Variants in SORCS3 observed in about 807,000 individuals in gnomAD.
The protein encoded by SORCS3 is sortilin related VPS10 domain containing receptor 3.
In SORCS3, 57 loss-of-function variants were observed where a neutral mutation model predicts 146.3. That is an observed-to-expected ratio of 0.39 (90% CI 0.31 to 0.49). SORCS3 has a LOEUF of 0.49. SORCS3 is among the 20% of genes least tolerant of loss of function. SORCS3 has a pLI of 0.92. For missense variants in SORCS3, 1,341 were observed against 1,575.5 expected, an observed-to-expected ratio of 0.85 and a Z score of 2.52; for synonymous variants, 653 against 618.5, an observed-to-expected ratio of 1.06 and a Z score of -0.83.
chr10:105,030,260 C>T (rs751004177), intron 4 of SORCS3, among the ~76,000 whole-genome samples: 1 of 152,164 alleles, frequency 6.6e-6, no homozygotes, highest in Non-Finnish European at 1.5e-5. Context: ...CACTTCTGCG[C>T]TTATTGTTAA....
At chr10:104,746,253 C>T (rs1312717309) in intron 1 of SORCS3, among the ~76,000 whole-genome samples, 1 of 151,818 alleles carries the variant, frequency 6.6e-6, no homozygotes, top group Admixed American at 6.6e-5. Context: ...TCTCCTGCCT[C>T]AGCCTCCCCA....
intron 1 of SORCS3, among the ~76,000 whole-genome samples, chr10:104,691,732 T>G (rs1022574397): frequency 6.6e-6 from 1 of 152,158 alleles, no homozygotes; most frequent in Non-Finnish European, 1.5e-5. Flanking sequence ...AATGTGTGTT[T>G]GATTTCCTTT....
intron 2 of SORCS3, among the ~76,000 whole-genome samples, 199 bp from the exon 3 acceptor site, chr10:104,915,633 AG>A (rs2019018576): frequency 6.6e-6 from 1 of 152,156 alleles, no homozygotes; most frequent in Non-Finnish European, 1.5e-5. Flanking sequence ...CTGGAAGCAA[AG>A]GGGAGCACGC....
At chr10:104,987,633 G>C (rs1440050815) in intron 4 of SORCS3, among the ~76,000 whole-genome samples, 1 of 151,988 alleles carries the variant, frequency 6.6e-6, no homozygotes, top group Admixed American at 6.6e-5. Flanking sequence ...TGAAATTCTA[G>C]GAATATTTTT....
At chr10:105,186,454 A>G (rs911907814) in intron 14 of SORCS3, among the ~76,000 whole-genome samples, 2 of 152,202 alleles carry the variant, frequency 1.3e-5, no homozygotes, top group African/African-American at 4.8e-5. Context: ...ACTGAACTTT[A>G]TACTTTTTCT....
chr10:104,968,632 C>T (rs1263566203), intron 3 of SORCS3, among the ~76,000 whole-genome samples: 4 of 152,178 alleles, frequency 2.6e-5, no homozygotes, highest in Non-Finnish European at 4.4e-5. Flanking sequence ...AAATTAAAAT[C>T]TCTAGTGGGA....
intron 1 of SORCS3, among the ~76,000 whole-genome samples, chr10:104,784,797 C>G (rs1404733923): frequency 6.6e-6 from 1 of 152,212 alleles, no homozygotes; most frequent in Non-Finnish European, 1.5e-5. Flanking sequence ...TAGATTGGGC[C>G]TTATTTCTTT....
At position 104,803,989 on chromosome 10, in the gene SORCS3, T is replaced by C. The variant is rs118139693; in HGVS notation, c.628-38803T>C. Among the ~76,000 whole-genome samples the C allele has an allele frequency of 8.9e-3, 1,362 of 152,332 alleles. 74 individuals carry two copies. In the East Asian group the frequency reaches 0.16, roughly 17 times the overall value. On this transcript the variant is annotated intron_variant, in intron 1 of 26. Transcript: ENST00000369701. Reference sequence around the variant, plus strand: ...TTACCACACAAGACTGAGACCCAAGTCAGCCCTGGAGAACTGTTTTGGGGT... The same window carrying C: ...TTACCACACAAGACTGAGACCCAAGCCAGCCCTGGAGAACTGTTTTGGGGT...
At chr10:105,150,260 G>C (rs891072565) in intron 9 of SORCS3, among the ~76,000 whole-genome samples, 30 of 152,250 alleles carry the variant, frequency 2.0e-4, no homozygotes, top group African/African-American at 7.2e-4. Flanking sequence ...TAAAAATTAT[G>C]CACAAGGAAG....
intron 1 of SORCS3, among the ~76,000 whole-genome samples, chr10:104,821,457 T>A (rs1589512191): frequency 6.6e-6 from 1 of 151,980 alleles, no homozygotes; most frequent in African/African-American, 2.4e-5. Context: ...CCGGTGAGGG[T>A]TTGTGTTCCT....
chr10:104,813,409 A>G (rs895684174), intron 1 of SORCS3, among the ~76,000 whole-genome samples: 1 of 152,306 alleles, frequency 6.6e-6, no homozygotes, highest in South Asian at 2.1e-4. Context: ...ACTAGATTTT[A>G]TGCTCCATGA....
chr10:105,166,971 G>T (rs1037564282), intron 12 of SORCS3, among the ~76,000 whole-genome samples: 1 of 152,144 alleles, frequency 6.6e-6, no homozygotes, highest in Non-Finnish European at 1.5e-5. Context: ...ACCTAGTTGA[G>T]CATGCACCTT....
At chr10:104,787,707 A>C (rs1440272305) in intron 1 of SORCS3, among the ~76,000 whole-genome samples, 3 of 152,196 alleles carry the variant, frequency 2.0e-5, no homozygotes, top group Non-Finnish European at 1.5e-5. Flanking sequence ...TGGATTCAAA[A>C]GAAGAAATCA....
chr10:105,227,985 T>TTGTGTGTGTGTGTGTG (rs59033040), intron 20 of SORCS3, among the ~76,000 whole-genome samples: 4 of 128,914 alleles, frequency 3.1e-5, no homozygotes, highest in Admixed American at 7.9e-5. Flanking sequence ...TGTGGTCATT[T>TTGTGTGTGTGTGTGTG]TGTGTGTGTG....
At chr10:105,033,620 G>C (rs532981421) in intron 4 of SORCS3, among the ~76,000 whole-genome samples, 16 of 152,256 alleles carry the variant, frequency 1.1e-4, no homozygotes, top group Non-Finnish European at 2.9e-5. Flanking sequence ...TGAGTAGGTT[G>C]ATGTTTGGAT....
chr10:105,069,753 T>C (rs569476528), intron 5 of SORCS3, among the ~76,000 whole-genome samples: 55 of 152,324 alleles, frequency 3.6e-4, no homozygotes, highest in African/African-American at 1.3e-3. Context: ...GTCCCTCTTA[T>C]AATTAATACA....
chr10:104,936,335 A>G (rs2019259916), intron 3 of SORCS3, among the ~76,000 whole-genome samples: 1 of 152,182 alleles, frequency 6.6e-6, no homozygotes, highest in African/African-American at 2.4e-5. Flanking sequence ...CCTATAGTGT[A>G]GAAGGAAGGT....
At chr10:105,183,286 A>G (rs2056454062) in intron 14 of SORCS3, among the ~76,000 whole-genome samples, 1 of 152,260 alleles carries the variant, frequency 6.6e-6, no homozygotes, top group African/African-American at 2.4e-5. Context: ...TTGTTCCACC[A>G]GCAGAACTAA....
chr10:104,823,641 A>G (rs2017901075), intron 1 of SORCS3, among the ~76,000 whole-genome samples: 1 of 152,156 alleles, frequency 6.6e-6, no homozygotes, highest in Non-Finnish European at 1.5e-5. Context: ...TCACTGACTT[A>G]TTCAAGCTCA....
Sources: allele counts gnomAD v4.1 joint callset (sites outside exome capture counted in the v4.1 genomes callset), GRCh38; gene constraint gnomAD v4.1.1; transcripts MANE v1.5; gene names NCBI Gene and HGNC (gene_info 2026-07-23, HGNC 2026-07-21).